The following COP1 variants were observed in gnomAD, a reference collection of about 807,000 sequenced individuals.
COP1 encodes COP1 E3 ubiquitin ligase, also known as E3 ubiquitin-protein ligase COP1.
In COP1, 24 loss-of-function variants were observed where a neutral mutation model predicts 101.3. The ratio of observed to expected loss-of-function variants is 0.24; its 90% CI spans 0.17 to 0.33. COP1 has a LOEUF of 0.33. COP1 is among the 10% of genes least tolerant of loss of function. The probability of loss-of-function intolerance (pLI) is 1.00; values close to 1 mark genes in which losing one functional copy is unlikely to be tolerated. For missense variants in COP1, 663 were observed against 906.2 expected (o/e 0.73, Z 3.45); for synonymous variants, 347 against 341.9 (o/e 1.01, Z -0.17).
chr1:176,070,711 G>C (rs537625746), intron 11 of COP1, among the ~76,000 whole-genome samples: 4 of 152,112 alleles, frequency 2.6e-5, no homozygotes, highest in Admixed American at 2.6e-4. Flanking sequence ...GAGTGTAGTA[G>C]TGCCATCATA....
intron 18 of COP1, among the ~76,000 whole-genome samples, chr1:175,977,706 A>T (rs1324722511): frequency 2.0e-5 from 3 of 152,136 alleles, no homozygotes; most frequent in African/African-American, 7.2e-5. Context: ...TATATTCTTA[A>T]ATTAGTAAAA....
chr1:176,042,674 T>G (rs1229022067), intron 14 of COP1, among the ~76,000 whole-genome samples: 3 of 135,816 alleles, frequency 2.2e-5, no homozygotes, highest in Non-Finnish European at 4.6e-5. Context: ...GAGGTTGCAG[T>G]GAGCCGAGAC....
intron 18 of COP1, 54 bp downstream of exon 18, chr1:175,986,889 T>G: frequency 7.5e-7 from 1 of 1,334,030 alleles, no homozygotes; most frequent in Non-Finnish European, 1.0e-6. Context: ...ACCCTGTGTA[T>G]ACATAATGCA....
chr1:176,147,941 C>T lies in COP1; in HGVS notation c.831+1065G>A, dbSNP rs573527170. ...TTGGGACAGATTCTCGCCCTGTTGC[C>T]CAGGCTGGAGTGCAGTGGCGCGATC... is the stretch of plus-strand genomic sequence containing the variant. On this transcript the variant is annotated intron_variant, in intron 6 of 19. Transcript: ENST00000367669. 2.0e-5 allele frequency among the ~76,000 whole-genome samples: 3 copies of T among 152,156 alleles called. No homozygotes were observed. In the South Asian group the frequency reaches 6.2e-4, roughly 32 times the overall value.
At chr1:176,119,124 TAG>T (rs1393773940) in intron 8 of COP1, among the ~76,000 whole-genome samples, 1 of 152,230 alleles carries the variant, frequency 6.6e-6, no homozygotes, top group Non-Finnish European at 1.5e-5. Context: ...GCCTTTCCTA[TAG>T]AGTTACACAC....
chr1:176,029,590 C>CCAGGG (rs1229532980), intron 14 of COP1, among the ~76,000 whole-genome samples: 4 of 152,150 alleles, frequency 2.6e-5, no homozygotes, highest in Admixed American at 2.6e-4. Flanking sequence ...AGTGTCCCAT[C>CCAGGG]CAGGACATTA....
chr1:176,057,825 C>G (rs1673891009), intron 11 of COP1, among the ~76,000 whole-genome samples: 1 of 151,998 alleles, frequency 6.6e-6, no homozygotes, highest in African/African-American at 2.4e-5. Context: ...GCCCCTCTGC[C>G]TGGCTGCCCA....
intron 18 of COP1, among the ~76,000 whole-genome samples, chr1:175,952,348 C>T (rs560448445): frequency 3.4e-5 from 5 of 148,750 alleles, no homozygotes; most frequent in Admixed American, 1.4e-4. Context: ...CTTGAACCTG[C>T]GAGGCAGAGG....
chr1:176,203,571 G>T (rs374547061), intron 1 of COP1, among the ~76,000 whole-genome samples: 2 of 152,078 alleles, frequency 1.3e-5, no homozygotes, highest in African/African-American at 4.8e-5. Context: ...TAAATGAACC[G>T]TAAGAAAATT....
chr1:176,012,307 G>T (rs2148960859), intron 15 of COP1, among the ~76,000 whole-genome samples: 1 of 152,282 alleles, frequency 6.6e-6, no homozygotes, highest in African/African-American at 2.4e-5. Flanking sequence ...CTAAGTTTTT[G>T]TGGAGCTGGG....
At chr1:176,025,742 T>G (rs1413238340) in intron 15 of COP1, among the ~76,000 whole-genome samples, 4 of 151,722 alleles carry the variant, frequency 2.6e-5, no homozygotes, top group Non-Finnish European at 4.4e-5. Context: ...ATACAAAAAT[T>G]AGCCAGGTGT....
chr1:176,020,632 G>A (rs1407109825), intron 15 of COP1, among the ~76,000 whole-genome samples: 1 of 152,124 alleles, frequency 6.6e-6, no homozygotes, highest in Non-Finnish European at 1.5e-5. Context: ...ATCCAAGACT[G>A]TGCCACTGCA....
At chr1:175,976,172 T>G (rs1197607065) in intron 18 of COP1, among the ~76,000 whole-genome samples, 1 of 151,912 alleles carries the variant, frequency 6.6e-6, no homozygotes, top group Non-Finnish European at 1.5e-5. Flanking sequence ...AAGGCTAATT[T>G]GTTAATTGGG....
intron 8 of COP1, among the ~76,000 whole-genome samples, chr1:176,119,572 C>T (rs1220770261): frequency 1.3e-5 from 2 of 151,950 alleles, no homozygotes; most frequent in Admixed American, 1.3e-4. Flanking sequence ...AGGTATAATG[C>T]AGGCTACAAT....
intron 3 of COP1, among the ~76,000 whole-genome samples, chr1:176,166,210 T>C (rs1318312624): frequency 1.3e-5 from 2 of 152,154 alleles, no homozygotes; most frequent in Non-Finnish European, 2.9e-5. Flanking sequence ...CCCTGCAACC[T>C]CCGCCTCCCA....
At chr1:176,153,859 T>C (rs1693021098) in intron 5 of COP1, among the ~76,000 whole-genome samples, 1 of 152,220 alleles carries the variant, frequency 6.6e-6, no homozygotes, top group African/African-American at 2.4e-5. Flanking sequence ...GTTGTTTCTA[T>C]CTTTTGTAGT....
chr1:176,021,884 C>G lies in COP1; in HGVS notation c.1729+5688G>C, dbSNP rs147797564. Among the ~76,000 whole-genome samples the G allele has an allele frequency of 2.6e-3, 400 of 152,270 alleles. 3 individuals carry two copies. The highest frequency in any genetic ancestry group is 9.2e-3 in the African/African-American group (382 of 41,564). ...TAAATAATCTATGTCTGATTGAAAACAACGTGGATTTCTCTAGCTGACAGA... is the reference window on the plus strand; with the variant it reads ...TAAATAATCTATGTCTGATTGAAAAGAACGTGGATTTCTCTAGCTGACAGA... On this transcript the variant is annotated intron_variant, in intron 15 of 19. Coordinates refer to ENST00000367669, the MANE Select transcript of COP1 (RefSeq NM_022457.7).
At chr1:176,056,135 T>C (rs1224585366) in intron 11 of COP1, among the ~76,000 whole-genome samples, 1 of 152,218 alleles carries the variant, frequency 6.6e-6, no homozygotes, top group East Asian at 1.9e-4. Flanking sequence ...TTGTAATAAA[T>C]GTTTGATCTT....
chr1:176,189,300 T>G (rs1408976846), intron 1 of COP1, among the ~76,000 whole-genome samples: 1 of 152,176 alleles, frequency 6.6e-6, no homozygotes, highest in Non-Finnish European at 1.5e-5. Context: ...CAGTCCATTT[T>G]GAAACATTAG....
Sources: allele counts gnomAD v4.1 joint callset (sites outside exome capture counted in the v4.1 genomes callset), GRCh38; gene constraint gnomAD v4.1.1; transcripts MANE v1.5; gene names NCBI Gene and HGNC (gene_info 2026-07-23, HGNC 2026-07-21).